Variants in GDPD5 observed in about 807,000 individuals in gnomAD.
GDPD5 encodes glycerophosphodiester phosphodiesterase domain containing 5.
In GDPD5, 48 loss-of-function variants were observed where a neutral mutation model predicts 75.1. That is an observed-to-expected ratio of 0.64 (90% CI 0.51 to 0.81). GDPD5 has a LOEUF of 0.81. GDPD5 is among the 40% of genes least tolerant of loss of function. GDPD5 has a pLI of 0.00. For missense variants in GDPD5, 706 were observed against 822.6 expected, an observed-to-expected ratio of 0.86 and a Z score of 1.73; for synonymous variants, 336 against 339.0, an observed-to-expected ratio of 0.99 and a Z score of 0.10.
At chr11:75,493,264 A>ACAC (rs1950145466) in intron 1 of GDPD5, among the ~76,000 whole-genome samples, 2 of 81,170 alleles carry the variant, frequency 2.5e-5, no homozygotes, top group Non-Finnish European at 5.7e-5. Context: ...CACACACACA[A>ACAC]ATAAATTCAT....
chr11:75,450,123 C>A (rs1278007168), intron 6 of GDPD5, 140 bp from the exon 7 acceptor site: 1 of 653,640 alleles, frequency 1.5e-6, no homozygotes, highest in Non-Finnish European at 2.6e-6. Flanking sequence ...AGGAAAGAGA[C>A]AGGCATGGGC....
At chr11:75,481,230 G>A (rs559488846) in intron 2 of GDPD5, among the ~76,000 whole-genome samples, 28 of 152,290 alleles carry the variant, frequency 1.8e-4, no homozygotes, top group East Asian at 9.7e-4. Flanking sequence ...GGGCTGCACC[G>A]TAGGAGCACG....
At chr11:75,444,391 A>ATCTCC in intron 10 of GDPD5, 22 bp downstream of exon 10, 2 of 1,567,714 alleles carry the variant, frequency 1.3e-6, no homozygotes, top group Non-Finnish European at 1.8e-6. Flanking sequence ...TAGAGGAACT[A>ATCTCC]TCTCCCCTCC....
intron 1 of GDPD5, among the ~76,000 whole-genome samples, chr11:75,519,146 G>A (rs1297935239): frequency 7.2e-5 from 11 of 152,152 alleles, no homozygotes. Context: ...GTGTGGGTTG[G>A]TGGGAAGTGA....
chr11:75,457,402 G>A (rs186228874), intron 5 of GDPD5, among the ~76,000 whole-genome samples: 14 of 152,362 alleles, frequency 9.2e-5, no homozygotes, highest in Admixed American at 7.8e-4. Context: ...CAGCCCGAGA[G>A]GCCCTGGGCA....
chr11:75,441,831 ACTTCT>A lies in GDPD5; in HGVS notation c.1168-33_1168-29del, dbSNP rs771381198. 5 of 1,593,436 alleles carry A rather than the reference ACTTCT, an allele frequency of 3.1e-6. No homozygotes were observed. In the African/African-American group the frequency reaches 5.4e-5, roughly 17 times the overall value. ...GCAGGCAGAAGAGAGGCAGCCTCAG[ACTTCT>A]CTTCTGCACGATGCGTAAGAGTACC... is the stretch of plus-strand genomic sequence containing the variant. On this transcript the variant is annotated intron_variant, in intron 12 of 16. Coordinates refer to ENST00000336898, the MANE Select transcript of GDPD5 (RefSeq NM_030792.8).
At chr11:75,439,471 C>T (rs1052128404) in intron 15 of GDPD5, 24 of 411,532 alleles carry the variant, frequency 5.8e-5, no homozygotes, top group Admixed American at 7.9e-5. Flanking sequence ...ATCCCAGCCC[C>T]TTGGTTCCTG....
intron 1 of GDPD5, among the ~76,000 whole-genome samples, chr11:75,524,302 C>T (rs1180691268): frequency 7.9e-5 from 12 of 152,268 alleles, no homozygotes; most frequent in Non-Finnish European, 1.5e-4. Context: ...ATTCTCACCA[C>T]AGCCTCATAC....
intron 1 of GDPD5, among the ~76,000 whole-genome samples, chr11:75,521,552 A>G (rs1251000649): frequency 1.3e-5 from 2 of 152,266 alleles, no homozygotes; most frequent in Non-Finnish European, 2.9e-5. Flanking sequence ...TAAGTACTCA[A>G]GATATCAGCT....
intron 3 of GDPD5, 85 bp from the exon 4 acceptor site, chr11:75,462,974 C>T (rs1469799042): frequency 9.1e-7 from 1 of 1,093,202 alleles, no homozygotes; most frequent in Non-Finnish European, 1.4e-6. Flanking sequence ...CCTCCTCCCT[C>T]CCACTTTGTA....
At chr11:75,462,716 G>A in intron 4 of GDPD5, 70 bp downstream of exon 4, 2 of 1,198,484 alleles carry the variant, frequency 1.7e-6, no homozygotes, top group African/African-American at 1.5e-5. Context: ...TCTAACTCCA[G>A]CCCCCAGGTC....
At chr11:75,480,299 GC>G (rs1225255513) in intron 2 of GDPD5, among the ~76,000 whole-genome samples, 2 of 151,176 alleles carry the variant, frequency 1.3e-5, no homozygotes, top group Non-Finnish European at 2.9e-5. Flanking sequence ...CTGCACTCCA[GC>G]CAGGGTGACA....
At chr11:75,469,449 A>C (rs954474738) in intron 3 of GDPD5, among the ~76,000 whole-genome samples, 1 of 152,216 alleles carries the variant, frequency 6.6e-6, no homozygotes. Flanking sequence ...GGCACACATA[A>C]TGGTGGAACC....
At chr11:75,498,842 A>G (rs1338556441) in intron 1 of GDPD5, among the ~76,000 whole-genome samples, 2 of 26,082 alleles carry the variant, frequency 7.7e-5, no homozygotes, top group South Asian at 1.0e-3. Flanking sequence ...AGCACCTTAC[A>G]TGAGTCTGTT....
intron 5 of GDPD5, 133 bp from the exon 6 acceptor site, chr11:75,456,949 G>A (rs905576670): frequency 1.3e-5 from 11 of 815,454 alleles, no homozygotes; most frequent in African/African-American, 1.3e-4. Flanking sequence ...CCCTCCAGGC[G>A]ATGGGAATGC....
intron 1 of GDPD5, among the ~76,000 whole-genome samples, chr11:75,513,916 G>A (rs183491722): frequency 2.4e-4 from 36 of 152,346 alleles, no homozygotes; most frequent in Admixed American, 5.9e-4. Context: ...GGGAGCTGCC[G>A]CAGGGACCCT....
intron 1 of GDPD5, among the ~76,000 whole-genome samples, chr11:75,520,138 A>G (rs1434621828): frequency 6.6e-6 from 1 of 152,206 alleles, no homozygotes; most frequent in Non-Finnish European, 1.5e-5. Flanking sequence ...ACCCCAGCTA[A>G]GTCCCCCTAA....
At chr11:75,465,614 A>G (rs1383942774) in intron 3 of GDPD5, among the ~76,000 whole-genome samples, 2 of 152,200 alleles carry the variant, frequency 1.3e-5, no homozygotes, top group Non-Finnish European at 2.9e-5. Context: ...TGGCATGAGT[A>G]CACCCACCCA....
chr11:75,458,336 T>C (rs1399942452), intron 4 of GDPD5, among the ~76,000 whole-genome samples: 3 of 152,232 alleles, frequency 2.0e-5, no homozygotes, highest in Non-Finnish European at 2.9e-5. Context: ...AATACTTGAC[T>C]TCTCTGAGCC....
Sources: allele counts gnomAD v4.1 joint callset (sites outside exome capture counted in the v4.1 genomes callset), GRCh38; gene constraint gnomAD v4.1.1; transcripts MANE v1.5; gene names NCBI Gene and HGNC (gene_info 2026-07-23, HGNC 2026-07-21).